The following MMRN1 variants were observed in gnomAD, a reference collection of about 807,000 sequenced individuals.
The protein encoded by MMRN1 is multimerin-1.
A neutral mutation model predicts 100.7 loss-of-function variants in MMRN1; 94 were observed. The ratio of observed to expected loss-of-function variants is 0.93; its 90% CI spans 0.79 to 1.11. The LOEUF is 1.11. Among genes scored for constraint, MMRN1 ranks in the 50% least tolerant of loss-of-function variants. The probability of loss-of-function intolerance (pLI) is 0.00; values close to 1 mark genes in which losing one functional copy is unlikely to be tolerated. For missense variants in MMRN1, 1,606 were observed against 1,439.1 expected, an observed-to-expected ratio of 1.12 and a Z score of -1.88; for synonymous variants, 575 against 505.0, an observed-to-expected ratio of 1.14 and a Z score of -1.86.
At chr4:89,918,401 A>C (rs1228902597) in intron 3 of MMRN1, among the ~76,000 whole-genome samples, 1 of 151,874 alleles carries the variant, frequency 6.6e-6, no homozygotes, top group East Asian at 1.9e-4. Flanking sequence ...AATTTATATG[A>C]AAGTGAATTC....
intron 1 of MMRN1, among the ~76,000 whole-genome samples, chr4:89,897,790 A>C (rs962109197): frequency 3.3e-5 from 5 of 152,172 alleles, no homozygotes; most frequent in African/African-American, 1.2e-4. Flanking sequence ...AATTTAAAAA[A>C]ATAATAATAA....
At chr4:89,937,778 T>C (rs1276205065) in intron 6 of MMRN1, among the ~76,000 whole-genome samples, 3 of 152,062 alleles carry the variant, frequency 2.0e-5, no homozygotes, top group Non-Finnish European at 4.4e-5. Flanking sequence ...ACTTTCCCGA[T>C]GTTTTGAATT....
At chr4:89,899,891 G>A (rs1369697536) in intron 1 of MMRN1, among the ~76,000 whole-genome samples, 4 of 151,688 alleles carry the variant, frequency 2.6e-5, no homozygotes, top group Non-Finnish European at 5.9e-5. Flanking sequence ...TTCCACTCTT[G>A]TCTACCATAA....
chr4:89,933,089 T>G (rs1049653787), intron 5 of MMRN1, among the ~76,000 whole-genome samples: 1 of 152,230 alleles, frequency 6.6e-6, no homozygotes, highest in Non-Finnish European at 1.5e-5. Flanking sequence ...TATCTTGAAC[T>G]CTCTGCTGCT....
chr4:89,902,418 T>A (rs72657801), intron 1 of MMRN1, among the ~76,000 whole-genome samples: 9,578 of 152,032 alleles, frequency 0.063, 561 homozygotes, highest in East Asian at 0.3. Flanking sequence ...TCATTACTTA[T>A]AAAATATATA....
chr4:89,931,033 C>T (rs897664026), intron 5 of MMRN1, among the ~76,000 whole-genome samples: 1 of 152,016 alleles, frequency 6.6e-6, no homozygotes, highest in Non-Finnish European at 1.5e-5. Context: ...ATATTGATTA[C>T]TATTCTATAT....
At chr4:89,898,578 G>A (rs1721283223) in intron 1 of MMRN1, among the ~76,000 whole-genome samples, 1 of 151,566 alleles carries the variant, frequency 6.6e-6, no homozygotes. Flanking sequence ...TTAGTCACAC[G>A]ATGCCATCCT....
intron 6 of MMRN1, among the ~76,000 whole-genome samples, chr4:89,948,099 G>A (rs1386102960): frequency 6.6e-6 from 1 of 152,088 alleles, no homozygotes; most frequent in Non-Finnish European, 1.5e-5. Context: ...TGATCTGCCC[G>A]CCTCAGCCTC....
intron 3 of MMRN1, among the ~76,000 whole-genome samples, chr4:89,916,690 T>C (rs1260672420): frequency 1.3e-5 from 2 of 151,644 alleles, no homozygotes; most frequent in Admixed American, 6.6e-5. Context: ...TTTTTTTTCT[T>C]TCTGACAGCT....
intron 3 of MMRN1, among the ~76,000 whole-genome samples, chr4:89,922,426 G>C (rs991523268): frequency 2.0e-5 from 3 of 152,042 alleles, no homozygotes; most frequent in African/African-American, 7.2e-5. Flanking sequence ...ATTTTAAATA[G>C]ATCATTTCTC....
chr4:89,896,028 T>G (rs1053223395), intron 1 of MMRN1, among the ~76,000 whole-genome samples: 1 of 152,114 alleles, frequency 6.6e-6, no homozygotes, highest in Admixed American at 6.5e-5. Flanking sequence ...AAAGTAACAG[T>G]TGTCAAAGAT....
chr4:89,926,604 C>T (rs754301777), intron 4 of MMRN1, among the ~76,000 whole-genome samples: 1 of 151,994 alleles, frequency 6.6e-6, no homozygotes, highest in East Asian at 1.9e-4. Flanking sequence ...TTGGTTGTTT[C>T]TTTTGCTGTG....
intron 6 of MMRN1, among the ~76,000 whole-genome samples, chr4:89,938,269 A>T (rs1207446845): frequency 2.0e-5 from 3 of 151,510 alleles, no homozygotes; most frequent in Admixed American, 2.0e-4. Context: ...GGAACATAGA[A>T]GAAACTATTT....
intron 5 of MMRN1, among the ~76,000 whole-genome samples, chr4:89,929,983 C>G (rs1008272486): frequency 6.6e-6 from 1 of 152,046 alleles, no homozygotes; most frequent in Non-Finnish European, 1.5e-5. Context: ...TATTAAAAGG[C>G]CATACATTCA....
At position 89,934,943 on chromosome 4, in the gene MMRN1, A is replaced by G. The variant is rs377260990; in HGVS notation, c.1263A>G (p.Glu421=). Residue 421 remains glutamate (E), a synonymous_variant, in exon 6 of 8, where the codon GAA becomes GAG. Coordinates refer to ENST00000264790, the MANE Select transcript of MMRN1 (RefSeq NM_007351.3). The part of the protein sequence containing the change: ...KTVSSLSEDL[E]STRQIIQKVN... ...TATCAAGTCTATCAGAGGACCTCGA[A>G]AGCACCAGGCAAATAATTCAAAAAG... 6.2e-7 allele frequency: 1 copy of G among 1,613,640 alleles called. No homozygotes were observed. Among genetic ancestry groups the G allele is most frequent in the African/African-American group, 1.3e-5 (1 of 74,896 alleles).
intron 2 of MMRN1, 30 bp from the exon 3 acceptor site, chr4:89,911,914 C>G: frequency 7.1e-7 from 1 of 1,411,280 alleles, no homozygotes. Flanking sequence ...AACAAATAAT[C>G]GATTTCCCTC....
At chr4:89,916,763 G>A (rs1335783461) in intron 3 of MMRN1, among the ~76,000 whole-genome samples, 3 of 150,254 alleles carry the variant, frequency 2.0e-5, no homozygotes, top group South Asian at 2.1e-4. Context: ...TACGTTTTTG[G>A]TTACTATTTT....
At position 89,935,594 on chromosome 4, in the gene MMRN1, A is replaced by C. The variant is rs1411085892; in HGVS notation, c.1914A>C (p.Gln638His). 1 of 1,613,594 alleles carries C rather than the reference A, an allele frequency of 6.2e-7. No homozygotes were observed. Among genetic ancestry groups the C allele is most frequent in the South Asian group, 1.1e-5 (1 of 91,054 alleles). ...ATAAGATGGACAAAATGAGTGAGCA[A>C]CTAAATGATTTGACTTATGATATGG... ...MDNKMDKMSEQLNDLTYDMEI... is the reference protein window; with the variant it reads ...MDNKMDKMSEHLNDLTYDMEI... Residue 638 changes from glutamine to histidine, a missense_variant, in exon 6 of 8, where the codon CAA (glutamine) becomes CAC (histidine). Gln to His is a conservative substitution (Grantham distance 24). Transcript: ENST00000264790.
chr4:89,894,054 C>G (rs1390275608), upstream of MMRN1, among the ~76,000 whole-genome samples: 2 of 152,010 alleles, frequency 1.3e-5, no homozygotes, highest in Non-Finnish European at 2.9e-5. Context: ...CTATATGATC[C>G]CATTTTAATT....
Sources: gnomAD v4.1 joint callset for allele counts (sites outside exome capture counted in the v4.1 genomes callset) on GRCh38, gnomAD v4.1.1 for gene constraint, MANE v1.5 for transcripts, NCBI Gene and HGNC (gene_info 2026-07-23, HGNC 2026-07-21) for gene names.